Variants in STRBP observed in about 807,000 individuals in gnomAD.
STRBP encodes spermatid perinuclear RNA binding protein, also known as spermatid perinuclear RNA-binding protein.
STRBP carries 13 observed loss-of-function variants against 80.1 expected under a neutral mutation model. The observed-to-expected ratio is 0.16, with a 90% confidence interval of 0.11 to 0.26. The LOEUF (loss-of-function observed/expected upper bound fraction) is 0.26, where lower values mean the gene tolerates loss of function less well. Among genes scored for constraint, STRBP ranks in the 10% least tolerant of loss-of-function variants. STRBP has a pLI of 1.00. For missense variants in STRBP, 485 were observed against 815.2 expected, an observed-to-expected ratio of 0.59 and a Z score of 4.93; for synonymous variants, 284 against 291.2, an observed-to-expected ratio of 0.98 and a Z score of 0.25.
intron 13 of STRBP, among the ~76,000 whole-genome samples, chr9:123,143,980 C>G (rs1244962393): frequency 2.0e-5 from 3 of 152,044 alleles, no homozygotes; most frequent in Admixed American, 2.0e-4. Context: ...GCAGGATCAC[C>G]TGAGGTCAGG....
chr9:123,147,696 A>AAC lies in STRBP; in HGVS notation c.1138+81_1138+82insGT. On this transcript the variant is annotated intron_variant, in intron 12 of 18. Transcript: ENST00000348403. ...CGATCTCAAAAAAAAAAAAAAAAAA[A>AAC]AAACCCTTCACTTTTAATTTTTCTA... is the stretch of plus-strand genomic sequence containing the variant. The AAC allele has an allele frequency of 1.3e-5, 15 of 1,158,524 alleles. No individual in the cohort carries two copies. The East Asian group carries it at 4.2e-4, about 33-fold the overall frequency. The allele number at this position is 1,158,524 out of a possible 1,614,324, so 71.8% of individuals were successfully genotyped here. A position where few individuals can be genotyped will look rare whatever the true frequency, so the allele number is the denominator to read the frequency against.
At chr9:123,264,369 G>C (rs2041224345) in intron 1 of STRBP, among the ~76,000 whole-genome samples, 1 of 152,186 alleles carries the variant, frequency 6.6e-6, no homozygotes, top group African/African-American at 2.4e-5. Context: ...AGCAAAGAAT[G>C]AACAAACTTC....
intron 11 of STRBP, among the ~76,000 whole-genome samples, chr9:123,155,536 G>A (rs541011706): frequency 9.9e-5 from 15 of 152,110 alleles, no homozygotes; most frequent in African/African-American, 2.7e-4. Flanking sequence ...ATACAAGCAC[G>A]GTAAGGACAG....
chr9:123,115,591 G>A lies in STRBP; in HGVS notation c.*84+338C>T, dbSNP rs1273768454. The A allele has an allele frequency of 8.6e-6, 3 of 350,180 alleles. No homozygotes were observed. The East Asian group carries it at 2.3e-4, about 26-fold the overall frequency. The allele number at this position is 350,180 out of a possible 1,614,324, so 21.7% of individuals were successfully genotyped here. A position where few individuals can be genotyped will look rare whatever the true frequency, so the allele number is the denominator to read the frequency against. On this transcript the variant is annotated intron_variant and NMD_transcript_variant, in intron 3 of 3. Coordinates refer to the STRBP transcript ENST00000471564. This position sits in a 1 kb window ranked among gnomAD's most constrained non-coding sequence, Gnocchi z 5.0. ...CAACTGCTCCTTCTCCCCCATCACA[G>A]AGCCTGGTAAGAAGCAGTAGGTGAC... is the stretch of plus-strand genomic sequence containing the variant.
chr9:123,152,221 AAACT>A (rs1209720576), intron 11 of STRBP, among the ~76,000 whole-genome samples: 1 of 152,140 alleles, frequency 6.6e-6, no homozygotes, highest in Non-Finnish European at 1.5e-5. Flanking sequence ...AGTTAAAGAA[AAACT>A]AACATCAAAT....
intron 2 of STRBP, among the ~76,000 whole-genome samples, chr9:123,219,948 T>C (rs1398729750): frequency 1.3e-5 from 2 of 152,172 alleles, no homozygotes; most frequent in East Asian, 3.8e-4. Context: ...ATTCTATATC[T>C]AGTAAATACA....
intron 11 of STRBP, among the ~76,000 whole-genome samples, chr9:123,155,196 C>T (rs919918746): frequency 6.6e-6 from 1 of 152,062 alleles, no homozygotes; most frequent in Non-Finnish European, 1.5e-5. Context: ...TAATATTTAT[C>T]TGAGAAAATG....
chr9:123,157,938 T>C, intron 11 of STRBP, 74 bp downstream of exon 11: 1 of 1,073,282 alleles, frequency 9.3e-7, no homozygotes. Context: ...CCCTAAGTTG[T>C]AATGAGAGAT....
intron 2 of STRBP, among the ~76,000 whole-genome samples, chr9:123,202,895 T>G (rs2039377494): frequency 6.6e-6 from 1 of 152,174 alleles, no homozygotes; most frequent in Non-Finnish European, 1.5e-5. Flanking sequence ...AAATAAAATC[T>G]GATGACTTTT....
At chr9:123,127,407 C>T (rs1361115569) in intron 18 of STRBP, among the ~76,000 whole-genome samples, 1 of 152,162 alleles carries the variant, frequency 6.6e-6, no homozygotes, top group African/African-American at 2.4e-5. Flanking sequence ...CACACTCTTG[C>T]ACACACACAC....
intron 3 of STRBP, among the ~76,000 whole-genome samples, chr9:123,182,170 G>A (rs185820270): frequency 2.1e-5 from 3 of 140,888 alleles, no homozygotes; most frequent in Non-Finnish European, 4.6e-5. Context: ...AGCTGAGATC[G>A]TGCCATTGCA....
intron 2 of STRBP, among the ~76,000 whole-genome samples, chr9:123,234,996 T>TG (rs71390420): frequency 0.032 from 3,928 of 123,492 alleles, 111 homozygotes; most frequent in African/African-American, 0.084. Flanking sequence ...GCTTTTTTTT[T>TG]GGGGGGGGGG....
intron 1 of STRBP, among the ~76,000 whole-genome samples, chr9:123,253,661 C>T (rs927697111): frequency 2.0e-5 from 3 of 152,216 alleles, no homozygotes. Context: ...ATAATATGCA[C>T]AACGCATGCC....
At chr9:123,158,256 A>T in intron 10 of STRBP, 76 bp downstream of exon 10, 1 of 1,550,318 alleles carries the variant, frequency 6.5e-7, no homozygotes, top group Non-Finnish European at 8.9e-7. Flanking sequence ...ACAAGAAAAA[A>T]GTGTTTGAAC....
chr9:123,254,470 A>AG (rs2040982772), intron 1 of STRBP, among the ~76,000 whole-genome samples: 1 of 151,098 alleles, frequency 6.6e-6, no homozygotes, highest in African/African-American at 2.4e-5. Context: ...AAAAAAAAAA[A>AG]AAAAAAAAAG....
At chr9:123,259,062 C>CAA (rs34065858) in intron 1 of STRBP, among the ~76,000 whole-genome samples, 1 of 67,058 alleles carries the variant, frequency 1.5e-5, no homozygotes, top group African/African-American at 5.9e-5. Flanking sequence ...GAGGAAAGGG[C>CAA]AAAAAAAAAA....
At chr9:123,146,662 CA>C (rs2036827356) in intron 13 of STRBP, among the ~76,000 whole-genome samples, 192 bp downstream of exon 13, 2 of 150,564 alleles carry the variant, frequency 1.3e-5, no homozygotes. Context: ...CCGTATTTTC[CA>C]AATTTTGTAA....
At chr9:123,252,041 T>TTA (rs398012175) in intron 1 of STRBP, among the ~76,000 whole-genome samples, 31 of 151,806 alleles carry the variant, frequency 2.0e-4, no homozygotes, top group African/African-American at 7.5e-4. Flanking sequence ...TTTTTTTTTT[T>TTA]AGCTCAATTA....
intron 13 of STRBP, among the ~76,000 whole-genome samples, chr9:123,145,874 T>C (rs2036791437): frequency 2.6e-5 from 4 of 152,260 alleles, no homozygotes; most frequent in Admixed American, 2.6e-4. Flanking sequence ...TGTTTGACAT[T>C]TTTACAGCTT....
Sources: gnomAD v4.1 joint callset for allele counts (sites outside exome capture counted in the v4.1 genomes callset) on GRCh38, gnomAD v4.1.1 for gene constraint, Gnocchi (gnomAD v3.1) non-coding constraint, MANE v1.5 for transcripts, NCBI Gene and HGNC (gene_info 2026-07-23, HGNC 2026-07-21) for gene names.